The following MAGI2 variants were observed in gnomAD, a reference collection of about 807,000 sequenced individuals.
MAGI2 encodes membrane-associated guanylate kinase, WW and PDZ domain-containing protein 2.
Under a neutral mutation model 133.3 loss-of-function variants are expected in MAGI2, and 35 were observed. That is an observed-to-expected ratio of 0.26 (90% CI 0.20 to 0.35). The LOEUF is 0.35. Ranked by LOEUF, MAGI2 falls within the 10% of genes least tolerant of loss-of-function variation. The pLI is 1.00. For synonymous variants in MAGI2, 729 were observed against 710.6 expected (o/e 1.03, Z -0.41); for missense variants, 1,636 against 1,863.4 (o/e 0.88, Z 2.25).
intron 2 of MAGI2, among the ~76,000 whole-genome samples, chr7:78,699,331 G>T (rs994264581): frequency 6.6e-6 from 1 of 152,164 alleles, no homozygotes; most frequent in Admixed American, 6.6e-5. Context: ...GAACTCTTGG[G>T]CTCAAGCCAT....
chr7:79,270,451 TA>T (rs1834797431), intron 1 of MAGI2, among the ~76,000 whole-genome samples: 1 of 152,176 alleles, frequency 6.6e-6, no homozygotes, highest in East Asian at 1.9e-4. Flanking sequence ...TACTATTGGC[TA>T]AGATTGAAGC....
At chr7:78,175,436 G>A (rs1480446177) in intron 14 of MAGI2, among the ~76,000 whole-genome samples, 2 of 152,122 alleles carry the variant, frequency 1.3e-5, no homozygotes, top group African/African-American at 4.8e-5. Context: ...TCTGTCCTAG[G>A]CAGCTTTCCT....
At chr7:79,103,414 G>A (rs1818163677) in intron 1 of MAGI2, among the ~76,000 whole-genome samples, 1 of 152,074 alleles carries the variant, frequency 6.6e-6, no homozygotes, top group Non-Finnish European at 1.5e-5. Context: ...GTACAGATGA[G>A]TAAAGCATAG....
At chr7:78,149,458 A>G (rs1823649634) in intron 16 of MAGI2, among the ~76,000 whole-genome samples, 1 of 152,224 alleles carries the variant, frequency 6.6e-6, no homozygotes, top group African/African-American at 2.4e-5. Flanking sequence ...ATTAAAGCTA[A>G]GAGTGACTTA....
chr7:78,631,501 T>C (rs1330438598), intron 2 of MAGI2, among the ~76,000 whole-genome samples: 1 of 152,060 alleles, frequency 6.6e-6, no homozygotes, highest in East Asian at 1.9e-4. Context: ...AAGGCTTACC[T>C]ACCCAATCTA....
intron 1 of MAGI2, among the ~76,000 whole-genome samples, chr7:79,200,153 A>G (rs1828462226): frequency 6.6e-6 from 1 of 151,974 alleles, no homozygotes; most frequent in South Asian, 2.1e-4. Flanking sequence ...AGTGGTTTAT[A>G]GTTCCAGCTC....
chr7:79,170,136 A>ATTTTTTTT (rs1825370704), intron 1 of MAGI2, among the ~76,000 whole-genome samples: 2 of 81,358 alleles, frequency 2.5e-5, no homozygotes, highest in African/African-American at 5.0e-5. Flanking sequence ...GAGATATTAT[A>ATTTTTTTT]CTTTTTTTTT....
Position 78,355,045 on chromosome 7 carries a change from G to A in MAGI2, c.1104-9002C>T, listed in dbSNP as rs116485748. ...TTGTTTTTAATAGATTGGTTTATTGGGGATAGGTATTGTGACAGAGTTTTA... is the reference window on the plus strand; with the variant it reads ...TTGTTTTTAATAGATTGGTTTATTGAGGATAGGTATTGTGACAGAGTTTTA... On this transcript the variant is annotated intron_variant, in intron 7 of 21. Coordinates refer to ENST00000354212, the MANE Select transcript of MAGI2 (RefSeq NM_012301.4). 3.9e-5 allele frequency among the ~76,000 whole-genome samples: 6 copies of A among 152,266 alleles called. No homozygotes were observed. The South Asian group carries it at 1.0e-3, about 26-fold the overall frequency.
intron 1 of MAGI2, among the ~76,000 whole-genome samples, chr7:79,403,724 C>G (rs1418157576): frequency 6.6e-6 from 1 of 152,064 alleles, no homozygotes; most frequent in African/African-American, 2.4e-5. Context: ...TACATTTAAT[C>G]TAGTCAACTT....
At chr7:78,970,025 C>T (rs1803658719) in intron 2 of MAGI2, among the ~76,000 whole-genome samples, 1 of 151,980 alleles carries the variant, frequency 6.6e-6, no homozygotes, top group African/African-American at 2.4e-5. Context: ...TGCATGCTGC[C>T]ACCATTCCCC....
chr7:78,358,646 C>G, intron 7 of MAGI2: 1 of 197,838 alleles, frequency 5.1e-6, no homozygotes, highest in Non-Finnish European at 1.0e-5. Flanking sequence ...TTAGGTTGTA[C>G]GACTGAAGCC....
At chr7:79,196,648 G>A (rs757757475) in intron 1 of MAGI2, among the ~76,000 whole-genome samples, 15 of 151,868 alleles carry the variant, frequency 9.9e-5, no homozygotes, top group Non-Finnish European at 1.2e-4. Context: ...TGTTATCACT[G>A]CATTTCCTTT....
intron 1 of MAGI2, among the ~76,000 whole-genome samples, chr7:79,293,013 C>T (rs1186524736): frequency 6.6e-6 from 1 of 152,202 alleles, no homozygotes; most frequent in African/African-American, 2.4e-5. Context: ...TCCTCACTCA[C>T]TCTGTCCTAC....
intron 1 of MAGI2, among the ~76,000 whole-genome samples, chr7:79,108,178 T>G (rs1218202835): frequency 1.3e-5 from 2 of 152,212 alleles, no homozygotes; most frequent in Non-Finnish European, 2.9e-5. Flanking sequence ...GGCCCTCATC[T>G]TTGCAAATGA....
chr7:79,097,972 C>T (rs1213029741), intron 1 of MAGI2, among the ~76,000 whole-genome samples: 1 of 151,992 alleles, frequency 6.6e-6, no homozygotes, highest in Non-Finnish European at 1.5e-5. Flanking sequence ...AAATACAAAA[C>T]TTAGCCGGAC....
chr7:79,212,649 C>T (rs910835364), intron 1 of MAGI2, among the ~76,000 whole-genome samples: 2 of 152,086 alleles, frequency 1.3e-5, no homozygotes, highest in Admixed American at 1.3e-4. Flanking sequence ...ACAGGGCCAC[C>T]TGTTCTGTTA....
chr7:78,353,847 C>T (rs1249926228), intron 7 of MAGI2, among the ~76,000 whole-genome samples: 3 of 152,146 alleles, frequency 2.0e-5, no homozygotes, highest in African/African-American at 4.8e-5. Flanking sequence ...CGTAGGGGAG[C>T]GGATGGAAGC....
intron 21 of MAGI2, among the ~76,000 whole-genome samples, chr7:78,070,444 GTA>G (rs1321414192): frequency 8.9e-5 from 13 of 146,812 alleles, no homozygotes; most frequent in South Asian, 4.3e-4. Context: ...ATATATATGT[GTA>G]TATATATGTG....
chr7:78,773,283 G>T (rs1316048505), intron 2 of MAGI2, among the ~76,000 whole-genome samples: 2 of 151,786 alleles, frequency 1.3e-5, no homozygotes, highest in South Asian at 4.2e-4. Context: ...GAAAGATCAT[G>T]ACTTAAAGAA....
Sources: allele counts gnomAD v4.1 joint callset (sites outside exome capture counted in the v4.1 genomes callset), GRCh38; gene constraint gnomAD v4.1.1; transcripts MANE v1.5; gene names NCBI Gene and HGNC (gene_info 2026-07-23, HGNC 2026-07-21).